ADAMTS9: variants seen among roughly 807,000 people sequenced by gnomAD.
ADAMTS9 encodes the protein A disintegrin and metalloproteinase with thrombospondin motifs 9.
ADAMTS9 carries 107 observed loss-of-function variants against 257.1 expected under a neutral mutation model. The observed-to-expected ratio is 0.42, with a 90% CI of 0.36 to 0.49. The LOEUF (loss-of-function observed/expected upper bound fraction) is 0.49. Among genes scored for constraint, ADAMTS9 ranks in the 20% least tolerant of loss-of-function variants. ADAMTS9 has a pLI of 0.03. For missense variants in ADAMTS9, 2,353 were observed against 2,469.1 expected (o/e 0.95, Z 1.00); for synonymous variants, 982 against 880.9 (o/e 1.11, Z -2.03).
intron 3 of ADAMTS9, among the ~76,000 whole-genome samples, chr3:64,679,822 A>T (rs142897648): frequency 6.6e-6 from 1 of 152,328 alleles, no homozygotes; most frequent in East Asian, 1.9e-4. Context: ...GCACGGTCAA[A>T]ACTGTGATAA....
intron 38 of ADAMTS9, among the ~76,000 whole-genome samples, chr3:64,529,595 C>T (rs2082951593): frequency 6.6e-6 from 1 of 152,146 alleles, no homozygotes. Context: ...TAGTAGGTAT[C>T]GAGTGGGAAC....
intron 28 of ADAMTS9, among the ~76,000 whole-genome samples, chr3:64,575,765 T>C (rs1253351980): frequency 2.0e-5 from 3 of 152,150 alleles, no homozygotes; most frequent in Admixed American, 2.0e-4. Context: ...CTGTACCCAA[T>C]ATCACTGTGT....
chr3:64,561,805 G>T (rs2083430901), intron 29 of ADAMTS9, 54 bp from the exon 30 acceptor site: 2 of 919,792 alleles, frequency 2.2e-6, no homozygotes, highest in Admixed American at 2.0e-5. Context: ...TTTTTGGGGG[G>T]GCGGGGGGTG....
At chr3:64,607,856 G>T (rs78219022) in intron 22 of ADAMTS9, among the ~76,000 whole-genome samples, 1 of 152,044 alleles carries the variant, frequency 6.6e-6, no homozygotes, top group African/African-American at 2.4e-5. Context: ...CCTCTCAAAC[G>T]TGCAGGGATC....
rs746622511 is a variant in ADAMTS9, at chr3:64,622,602, C to G, written c.2390-16G>C. The G allele has an allele frequency of 8.1e-6, 13 of 1,612,698 alleles. No individual in the cohort carries two copies. Among genetic ancestry groups the G allele is most frequent in the Non-Finnish European group, 1.1e-5 (13 of 1,179,442 alleles). On this transcript the variant is annotated splice_polypyrimidine_tract_variant and intron_variant, in intron 16 of 39. Coordinates refer to ENST00000498707, the MANE Select transcript of ADAMTS9 (RefSeq NM_182920.2). ...CTTGATAAAGCTGTAGGTGAAGAAA[C>G]AGAATAATACATTGATCTGCTGTCA...
chr3:64,572,992 C>T (rs1296139949), intron 28 of ADAMTS9, among the ~76,000 whole-genome samples: 2 of 149,114 alleles, frequency 1.3e-5, no homozygotes, highest in African/African-American at 5.0e-5. Context: ...GAAGGAGAAT[C>T]GCTTGAACCT....
At chr3:64,665,918 T>C (rs1701345019) in intron 3 of ADAMTS9, among the ~76,000 whole-genome samples, 1 of 152,176 alleles carries the variant, frequency 6.6e-6, no homozygotes, top group South Asian at 2.1e-4. Flanking sequence ...ATATAGAGAA[T>C]TTCTTATAAA....
chr3:64,669,879 A>C (rs1701444043), intron 3 of ADAMTS9, among the ~76,000 whole-genome samples: 1 of 152,222 alleles, frequency 6.6e-6, no homozygotes, highest in Non-Finnish European at 1.5e-5. Flanking sequence ...CTGAAAAACC[A>C]CTTCTATTTT....
intron 11 of ADAMTS9, among the ~76,000 whole-genome samples, chr3:64,642,225 G>A (rs558284097): frequency 6.6e-6 from 1 of 152,264 alleles, no homozygotes; most frequent in South Asian, 2.1e-4. Context: ...GCCAGTGACT[G>A]GCTCCAGGCT....
intron 4 of ADAMTS9, 175 bp from the exon 5 acceptor site, chr3:64,656,050 T>C (rs1396256255): frequency 1.9e-6 from 1 of 520,722 alleles, no homozygotes; most frequent in Non-Finnish European, 3.5e-6. Flanking sequence ...TTCATAAAAT[T>C]CATAGATCAC....
At chr3:64,520,617 C>T (rs1005602978) in intron 39 of ADAMTS9, among the ~76,000 whole-genome samples, 5 of 152,026 alleles carry the variant, frequency 3.3e-5, no homozygotes, top group Non-Finnish European at 7.4e-5. Flanking sequence ...ATTAATGGAA[C>T]AGAATAAGGA....
chr3:64,674,911 G>A (rs1157018836), intron 3 of ADAMTS9, among the ~76,000 whole-genome samples: 3 of 152,126 alleles, frequency 2.0e-5, no homozygotes, highest in Non-Finnish European at 4.4e-5. Context: ...TGTGTAACAA[G>A]CATACACTCC....
chr3:64,540,724 C>T (rs1261322786), intron 36 of ADAMTS9, among the ~76,000 whole-genome samples: 1 of 152,166 alleles, frequency 6.6e-6, no homozygotes, highest in Non-Finnish European at 1.5e-5. Flanking sequence ...GTCTCTATTT[C>T]AATGTCATAT....
At chr3:64,634,298 G>A (rs1026996696) in intron 12 of ADAMTS9, among the ~76,000 whole-genome samples, 2 of 152,134 alleles carry the variant, frequency 1.3e-5, no homozygotes, top group African/African-American at 4.8e-5. Flanking sequence ...AGTTTGGAAT[G>A]CTCCCTATCT....
chr3:64,656,762 G>A (rs1306963797), intron 4 of ADAMTS9, among the ~76,000 whole-genome samples: 3 of 152,066 alleles, frequency 2.0e-5, no homozygotes, highest in South Asian at 2.1e-4. Context: ...GGGGGTGAGA[G>A]GGGCACGGAG....
rs145035556 is a variant in ADAMTS9 at position 64,576,178 on chromosome 3, A to G, written c.4357-7643T>C. On this transcript the variant is annotated intron_variant, in intron 28 of 39. Transcript: ENST00000498707. ...AGAGTAAGGAGAGGAAAGATGCTGT[A>G]TCTGAATGCCACATCCCTTTTCTAC... Among the ~76,000 whole-genome samples the G allele has an allele frequency of 6.1e-3, 926 of 152,294 alleles. 18 individuals are homozygous for G. Among genetic ancestry groups the G allele is most frequent in the East Asian group, 0.04 (208 of 5,174 alleles).
intron 28 of ADAMTS9, among the ~76,000 whole-genome samples, chr3:64,569,751 G>T (rs2083633373): frequency 6.6e-6 from 1 of 152,088 alleles, no homozygotes; most frequent in South Asian, 2.1e-4. Context: ...AATACATTTG[G>T]CTTTAATTTT....
chr3:64,578,199 G>C (rs576361150), intron 28 of ADAMTS9, among the ~76,000 whole-genome samples: 33 of 151,976 alleles, frequency 2.2e-4, no homozygotes, highest in Non-Finnish European at 4.1e-4. Flanking sequence ...TTGCTCTATC[G>C]GGAGGTTGGA....
chr3:64,674,065 T>C (rs565832753), intron 3 of ADAMTS9, among the ~76,000 whole-genome samples: 146 of 151,512 alleles, frequency 9.6e-4, no homozygotes, highest in African/African-American at 3.4e-3. Flanking sequence ...AATGACTTTA[T>C]TGGAGTACTG....
Sources: gnomAD v4.1 joint callset for allele counts (sites outside exome capture counted in the v4.1 genomes callset) on GRCh38, gnomAD v4.1.1 for gene constraint, MANE v1.5 for transcripts, NCBI Gene and HGNC (gene_info 2026-07-23, HGNC 2026-07-21) for gene names.